LHFPL6: variants seen among roughly 807,000 people sequenced by gnomAD.
LHFPL6 encodes LHFPL tetraspan subfamily member 6 protein.
LHFPL6 carries 9 observed loss-of-function variants against 20.6 expected under a neutral mutation model. The ratio of observed to expected loss-of-function variants is 0.44; its 90% CI spans 0.26 to 0.76. The LOEUF (loss-of-function observed/expected upper bound fraction) is 0.76. LHFPL6 is among the 30% of genes least tolerant of loss of function. The pLI, the probability that LHFPL6 is intolerant of heterozygous loss-of-function variation, is 0.20. For missense variants in LHFPL6, 218 were observed against 253.5 expected (o/e 0.86, Z 0.95); for synonymous variants, 105 against 98.7 (o/e 1.06, Z -0.38).
intron 2 of LHFPL6, among the ~76,000 whole-genome samples, chr13:39,421,507 T>A (rs1871485019): frequency 6.6e-6 from 1 of 152,218 alleles, no homozygotes. Flanking sequence ...ACTGGGTGGA[T>A]GACAGTCTAC....
At chr13:39,451,175 T>C (rs1244001655) in intron 2 of LHFPL6, among the ~76,000 whole-genome samples, 2 of 151,970 alleles carry the variant, frequency 1.3e-5, no homozygotes, top group Non-Finnish European at 2.9e-5. Flanking sequence ...ATTTTGTTTG[T>C]TTATTTATTT....
chr13:39,561,121 C>T (rs1004454258), intron 2 of LHFPL6, among the ~76,000 whole-genome samples: 1 of 151,914 alleles, frequency 6.6e-6, no homozygotes, highest in African/African-American at 2.4e-5. Flanking sequence ...GGTAAATTGA[C>T]TCACCTATTC....
chr13:39,569,735 T>C (rs368048583), intron 2 of LHFPL6, among the ~76,000 whole-genome samples: 43 of 152,360 alleles, frequency 2.8e-4, no homozygotes, highest in East Asian at 2.3e-3. Flanking sequence ...ATTCAAACTA[T>C]TGAAAAATTA....
intron 2 of LHFPL6, among the ~76,000 whole-genome samples, chr13:39,447,736 G>A (rs1051320526): frequency 6.6e-6 from 1 of 152,160 alleles, no homozygotes; most frequent in Non-Finnish European, 1.5e-5. Flanking sequence ...GAGAGGAAAA[G>A]GGAAGGATGC....
intron 2 of LHFPL6, among the ~76,000 whole-genome samples, chr13:39,570,775 G>A (rs1301284831): frequency 2.0e-5 from 3 of 152,162 alleles, no homozygotes; most frequent in Non-Finnish European, 4.4e-5. Context: ...GTGAGTGCGT[G>A]TGAGTGAATG....
In LHFPL6 at chr13:39,373,615, T is replaced by G. The variant is rs192707715; in HGVS notation, c.484+4813A>C. Among the ~76,000 whole-genome samples, 6 of 152,296 alleles carry G rather than the reference T, an allele frequency of 3.9e-5. No homozygotes were observed. In the East Asian group the frequency reaches 5.8e-4, roughly 15 times the overall value. ...TATCCTGGGTCCTGACCAGCTGCCT[T>G]GAGAGCCGCAGGGATCAATAAACGA... On this transcript the variant is annotated intron_variant, in intron 3 of 3. Coordinates refer to ENST00000379589, the MANE Select transcript of LHFPL6 (RefSeq NM_005780.3).
intron 2 of LHFPL6, among the ~76,000 whole-genome samples, chr13:39,497,729 TG>T (rs908617380): frequency 2.6e-4 from 40 of 152,136 alleles, no homozygotes; most frequent in Admixed American, 1.6e-3. Flanking sequence ...ATTCCAAAGA[TG>T]GGGGGGAGGA....
chr13:39,351,324 T>C (rs978038071), intron 3 of LHFPL6, among the ~76,000 whole-genome samples: 12 of 152,186 alleles, frequency 7.9e-5, no homozygotes, highest in African/African-American at 2.4e-4. Flanking sequence ...CTTTCCAACA[T>C]TATTCTCACT....
rs11374987 is a variant in LHFPL6 at position 39,524,344 on chromosome 13, GA to G, written c.385+76487del. Reference sequence around the variant, plus strand: ...GTGACTCACTCACAGGTAAGGCCTAGAAAAAAAAAAAAGGATGAGGGAAACG... The same window carrying G: ...GTGACTCACTCACAGGTAAGGCCTAGAAAAAAAAAAAGGATGAGGGAAACG... On this transcript the variant is annotated intron_variant, in intron 2 of 3. Coordinates refer to ENST00000379589, the MANE Select transcript of LHFPL6 (RefSeq NM_005780.3). Among the ~76,000 whole-genome samples the G allele has an allele frequency of 5.0e-3, 721 of 145,622 alleles. 6 individuals are homozygous for G. The highest frequency in any genetic ancestry group is 0.011 in the African/African-American group (447 of 39,812).
At chr13:39,576,652 G>A (rs1414356445) in intron 2 of LHFPL6, among the ~76,000 whole-genome samples, 2 of 151,690 alleles carry the variant, frequency 1.3e-5, no homozygotes, top group African/African-American at 4.8e-5. Flanking sequence ...AATTTTTTTT[G>A]AGACAGGGTC....
chr13:39,483,181 CT>C (rs1868595604), intron 2 of LHFPL6, among the ~76,000 whole-genome samples: 1 of 152,030 alleles, frequency 6.6e-6, no homozygotes, highest in Non-Finnish European at 1.5e-5. Flanking sequence ...CATTTTAAAA[CT>C]AGTAATGTTA....
At chr13:39,491,473 A>G (rs561069998) in intron 2 of LHFPL6, among the ~76,000 whole-genome samples, 1 of 152,324 alleles carries the variant, frequency 6.6e-6, no homozygotes, top group South Asian at 2.1e-4. Context: ...AAGAGTCTAC[A>G]TTTTATTTGG....
At chr13:39,454,344 T>TCAAAGGA (rs371053428) in intron 2 of LHFPL6, among the ~76,000 whole-genome samples, 1 of 101,856 alleles carries the variant, frequency 9.8e-6, no homozygotes, top group African/African-American at 4.9e-5. Flanking sequence ...AGAGTTGTAA[T>TCAAAGGA]TGGGGCCGGG....
chr13:39,355,416 C>T (rs1335552409), intron 3 of LHFPL6, among the ~76,000 whole-genome samples: 1 of 152,086 alleles, frequency 6.6e-6, no homozygotes, highest in Non-Finnish European at 1.5e-5. Flanking sequence ...ACGAGTAGTA[C>T]CTGATACCAC....
chr13:39,491,912 G>A (rs993934424), intron 2 of LHFPL6, among the ~76,000 whole-genome samples: 6 of 152,130 alleles, frequency 3.9e-5, no homozygotes, highest in African/African-American at 1.4e-4. Context: ...AAGAAAATCA[G>A]GCAAAATGAC....
At chr13:39,380,510 GTTTTTT>G (rs56370946) in intron 2 of LHFPL6, among the ~76,000 whole-genome samples, 1 of 133,552 alleles carries the variant, frequency 7.5e-6, no homozygotes, top group Non-Finnish European at 1.6e-5. Context: ...GGTGGCATCA[GTTTTTT>G]TTTTTTTTTT....
At chr13:39,345,500 G>A (rs1031722330) in intron 3 of LHFPL6, among the ~76,000 whole-genome samples, 3 of 48,232 alleles carry the variant, frequency 6.2e-5, no homozygotes, top group Non-Finnish European at 1.3e-4. Flanking sequence ...GTCAGGGAGC[G>A]AGACTCCATC....
At chr13:39,390,549 G>C (rs145847938) in intron 2 of LHFPL6, among the ~76,000 whole-genome samples, 16 of 152,120 alleles carry the variant, frequency 1.1e-4, no homozygotes, top group African/African-American at 3.9e-4. Flanking sequence ...ATGTAATAAA[G>C]AGTGGGAAGC....
In LHFPL6 at chr13:39,370,411, T is replaced by A. The variant is rs552733587; in HGVS notation, c.484+8017A>T. Among the ~76,000 whole-genome samples the A allele has an allele frequency of 1.1e-4, 16 of 152,284 alleles. No homozygotes were observed. The South Asian group carries it at 3.3e-3, about 32-fold the overall frequency. The stretch of plus-strand genomic sequence containing the variant: ...GTGACTTGGATTTAAGTGTCAAAAG[T>A]TTAGAAAATATTCAGTTAATAGTCA... On this transcript the variant is annotated intron_variant, in intron 3 of 3. Coordinates refer to ENST00000379589, the MANE Select transcript of LHFPL6 (RefSeq NM_005780.3).
Sources: gnomAD v4.1 joint callset for allele counts (sites outside exome capture counted in the v4.1 genomes callset) on GRCh38, gnomAD v4.1.1 for gene constraint, MANE v1.5 for transcripts, NCBI Gene and HGNC (gene_info 2026-07-23, HGNC 2026-07-21) for gene names.